ARHGAP10: variants seen among roughly 807,000 people sequenced by gnomAD.
ARHGAP10 encodes Rho GTPase activating protein 10.
A neutral mutation model predicts 108.6 loss-of-function variants in ARHGAP10; 87 were observed. The ratio of observed to expected loss-of-function variants is 0.80; its 90% CI spans 0.67 to 0.96. ARHGAP10 has a LOEUF of 0.96. Among genes scored for constraint, ARHGAP10 ranks in the 40% least tolerant of loss-of-function variants. ARHGAP10 has a pLI of 0.00. For synonymous variants in ARHGAP10, 347 were observed against 341.1 expected (o/e 1.02, Z -0.19); for missense variants, 939 against 954.5 (o/e 0.98, Z 0.21).
chr4:148,007,108 TAGA>T lies in ARHGAP10; in HGVS notation c.1717-16147_1717-16145del, dbSNP rs756854468. On this transcript the variant is annotated intron_variant, in intron 18 of 22. Coordinates refer to ENST00000336498, the MANE Select transcript of ARHGAP10 (RefSeq NM_024605.4). The stretch of plus-strand genomic sequence containing the variant: ...TCCTATTCTTGGACAAAAATCTGTA[TAGA>T]AGAAGAAAAGGGTTACTGTTTAGAG... Among the ~76,000 whole-genome samples, 7 of 152,364 alleles carry T rather than the reference TAGA, an allele frequency of 4.6e-5. No individual in the cohort carries two copies. The East Asian group carries it at 1.3e-3, about 29-fold the overall frequency.
intron 3 of ARHGAP10, among the ~76,000 whole-genome samples, chr4:147,830,922 C>T (rs1371643683): frequency 6.6e-6 from 1 of 152,202 alleles, no homozygotes; most frequent in Non-Finnish European, 1.5e-5. Context: ...AAATGCATTC[C>T]ACCTTTTAGG....
chr4:147,736,410 A>G (rs911086880), intron 1 of ARHGAP10, among the ~76,000 whole-genome samples: 12 of 152,334 alleles, frequency 7.9e-5, no homozygotes, highest in African/African-American at 2.6e-4. Context: ...TTGCCATTAC[A>G]TTAAACCCAC....
intron 1 of ARHGAP10, among the ~76,000 whole-genome samples, chr4:147,802,193 G>C (rs1179452975): frequency 6.6e-6 from 1 of 152,054 alleles, no homozygotes; most frequent in Non-Finnish European, 1.5e-5. Context: ...CTACTTAATA[G>C]TCTTGCTGAA....
rs576765421 is a variant in ARHGAP10, at chr4:147,873,189, A to G, written c.703-1832A>G. 2.2e-4 allele frequency among the ~76,000 whole-genome samples: 34 copies of G among 152,292 alleles called. No homozygotes were observed. The South Asian group carries it at 6.2e-3, about 28-fold the overall frequency. ...TTTCCAGGACTGGCGCAGGGAAAGT[A>G]TAAGATGAGCCTAGGGTACCTTATT... is the stretch of plus-strand genomic sequence containing the variant. On this transcript the variant is annotated intron_variant, in intron 7 of 22. Transcript: ENST00000336498.
intron 20 of ARHGAP10, among the ~76,000 whole-genome samples, chr4:148,059,559 A>C (rs745788039): frequency 6.6e-6 from 1 of 152,132 alleles, no homozygotes; most frequent in Non-Finnish European, 1.5e-5. Context: ...GCTTTTAATT[A>C]TTATTTCACT....
At chr4:147,773,243 A>G (rs115400892) in intron 1 of ARHGAP10, among the ~76,000 whole-genome samples, 3,519 of 152,310 alleles carry the variant, frequency 0.023, 144 homozygotes, top group African/African-American at 0.079. Context: ...TAATGTACAT[A>G]TGTATGTATA....
chr4:147,875,218 C>T (rs960286831), intron 8 of ARHGAP10, 68 bp downstream of exon 8: 2 of 1,446,244 alleles, frequency 1.4e-6, no homozygotes, highest in African/African-American at 1.4e-5. Context: ...CTCTGCTATT[C>T]TTGCCATTAC....
In ARHGAP10 at chr4:148,063,242, G is replaced by C. The variant is rs368707168; in HGVS notation, c.2122G>C (p.Gly708Arg). ...CTCAGCTGTGACACCTCTTTCACCC[G>C]GGTCGTCCCCTTTCCCCTTTTCTCC... is the stretch of plus-strand genomic sequence containing the variant. ...SNSAVTPLSP[G>R]SSPFPFSPPA... The change falls in exon 21 of 23, where the codon GGG becomes CGG. Residue 708 changes from glycine (G) to arginine (R), a missense_variant. Coordinates refer to ENST00000336498, the MANE Select transcript of ARHGAP10 (RefSeq NM_024605.4). 3.1e-6 allele frequency: 5 copies of C among 1,614,018 alleles called. No individual in the cohort carries two copies. The African/African-American group carries it at 4.0e-5, about 13-fold the overall frequency.
chr4:148,017,005 A>AG, intron 18 of ARHGAP10, among the ~76,000 whole-genome samples: 1 of 150,036 alleles, frequency 6.7e-6, no homozygotes, highest in African/African-American at 2.5e-5. Flanking sequence ...AAAAAAAAAA[A>AG]CCAGCTGGGC....
At chr4:147,997,237 C>T (rs757110033) in intron 18 of ARHGAP10, among the ~76,000 whole-genome samples, 11 of 152,054 alleles carry the variant, frequency 7.2e-5, no homozygotes, top group African/African-American at 1.2e-4. Context: ...AATCTACAAA[C>T]GTATTGCAGC....
intron 10 of ARHGAP10, among the ~76,000 whole-genome samples, chr4:147,895,854 T>C (rs977734902): frequency 2.0e-5 from 3 of 152,376 alleles, no homozygotes; most frequent in Admixed American, 2.0e-4. Flanking sequence ...GTGTTCATTA[T>C]TTAAAGTGTA....
At chr4:147,988,920 G>A (rs1740149024) in intron 18 of ARHGAP10, among the ~76,000 whole-genome samples, 1 of 152,162 alleles carries the variant, frequency 6.6e-6, no homozygotes. Context: ...GAAGGTATGA[G>A]CCTATACCAA....
chr4:147,833,161 G>A (rs190112573), intron 3 of ARHGAP10, among the ~76,000 whole-genome samples: 68 of 152,290 alleles, frequency 4.5e-4, no homozygotes, highest in African/African-American at 1.6e-3. Flanking sequence ...GGAAAAATAT[G>A]TGTGGTGATA....
intron 1 of ARHGAP10, among the ~76,000 whole-genome samples, chr4:147,741,030 T>C (rs553778983): frequency 6.6e-6 from 1 of 152,234 alleles, no homozygotes; most frequent in Admixed American, 6.5e-5. Flanking sequence ...CTTTTTTCCC[T>C]CTGAATATAT....
At chr4:147,757,281 G>C (rs1729416724) in intron 1 of ARHGAP10, among the ~76,000 whole-genome samples, 1 of 143,900 alleles carries the variant, frequency 6.9e-6, no homozygotes, top group Admixed American at 7.5e-5. Context: ...TGCAACCTCT[G>C]CCTCCCGTGT....
In ARHGAP10 at chr4:147,915,562, A is replaced by C. The variant is rs60233014; in HGVS notation, c.1228+2423A>C. Among the ~76,000 whole-genome samples the C allele has an allele frequency of 6.3e-3, 961 of 152,312 alleles. 14 individuals are homozygous for C. The highest frequency in any genetic ancestry group is 0.022 in the African/African-American group (915 of 41,576). ...TGTAGTTTTATGGAGTGTTACATACATTGAATGGCATAAATATATATTGGA... is the reference window on the plus strand; with the variant it reads ...TGTAGTTTTATGGAGTGTTACATACCTTGAATGGCATAAATATATATTGGA... On this transcript the variant is annotated intron_variant, in intron 13 of 22. Coordinates refer to ENST00000336498, the MANE Select transcript of ARHGAP10 (RefSeq NM_024605.4).
At chr4:148,041,386 G>A (rs1021166924) in intron 19 of ARHGAP10, among the ~76,000 whole-genome samples, 10 of 152,178 alleles carry the variant, frequency 6.6e-5, no homozygotes, top group Non-Finnish European at 1.5e-4. Flanking sequence ...TTTGAAAGGA[G>A]ACAAAGAAGA....
At chr4:147,839,774 G>A (rs932977510) in intron 3 of ARHGAP10, among the ~76,000 whole-genome samples, 4 of 152,162 alleles carry the variant, frequency 2.6e-5, no homozygotes, top group Admixed American at 6.5e-5. Context: ...TAGCTCTAGC[G>A]TGGACTGTGG....
chr4:147,854,240 G>A (rs911817644), intron 4 of ARHGAP10, among the ~76,000 whole-genome samples: 2 of 152,140 alleles, frequency 1.3e-5, no homozygotes, highest in African/African-American at 2.4e-5. Context: ...TTACAATTAA[G>A]AAAAAATGTG....
Sources: gnomAD v4.1 joint callset for allele counts (sites outside exome capture counted in the v4.1 genomes callset) on GRCh38, gnomAD v4.1.1 for gene constraint, MANE v1.5 for transcripts, NCBI Gene and HGNC (gene_info 2026-07-23, HGNC 2026-07-21) for gene names.